The following PPFIBP2 variants were observed in gnomAD, a reference collection of about 807,000 sequenced individuals.
PPFIBP2 encodes the protein PPFIB scaffold protein 2.
A neutral mutation model predicts 118.3 loss-of-function variants in PPFIBP2; 118 were observed. That is an observed-to-expected ratio of 1.00 (90% CI 0.86 to 1.16). The LOEUF is 1.16. PPFIBP2 is among the 50% of genes most tolerant of loss of function. The pLI, the probability that PPFIBP2 is intolerant of heterozygous loss-of-function variation, is 0.00. For synonymous variants in PPFIBP2, 414 were observed against 397.4 expected, an observed-to-expected ratio of 1.04 and a Z score of -0.50; for missense variants, 1,195 against 1,073.1, an observed-to-expected ratio of 1.11 and a Z score of -1.59.
chr11:7,581,943 T>C (rs1857324111), intron 3 of PPFIBP2, among the ~76,000 whole-genome samples: 1 of 152,214 alleles, frequency 6.6e-6, no homozygotes, highest in Non-Finnish European at 1.5e-5. Flanking sequence ...TTCAAGCGAT[T>C]CTCCTGCCTC....
In PPFIBP2 at chr11:7,555,494, C is replaced by CT. The variant is rs568976340; in HGVS notation, c.64+5956dup. Among the ~76,000 whole-genome samples the CT allele has an allele frequency of 1.6e-3, 250 of 152,330 alleles. 1 individual carries two copies. Among genetic ancestry groups the CT allele is most frequent in the African/African-American group, 4.5e-3 (188 of 41,566 alleles). On this transcript the variant is annotated intron_variant, in intron 2 of 23. Transcript: ENST00000299492. ...TGCTGAGGACTGTTGAGTCCATACT[C>CT]TGAACAGTCCTTGACTGATCTTGTC...
intron 5 of PPFIBP2, among the ~76,000 whole-genome samples, chr11:7,602,359 C>T (rs892011101): frequency 1.3e-5 from 2 of 152,152 alleles, no homozygotes; most frequent in South Asian, 2.1e-4. Flanking sequence ...ATGCTGGCAA[C>T]AAAAATCTCT....
At position 7,532,677 on chromosome 11, in the gene PPFIBP2, A is replaced by G. The variant is rs1850820915; in HGVS notation, c.-36-16763A>G. The stretch of plus-strand genomic sequence containing the variant: ...CAGAGCTGCTAATACCCTCCAGCCC[A>G]GGCCTTCGGGGGAAGCCTCCTTCTC... On this transcript the variant is annotated intron_variant, in intron 1 of 23. Coordinates refer to ENST00000299492, the MANE Select transcript of PPFIBP2 (RefSeq NM_003621.5). Among the ~76,000 whole-genome samples, 4 of 152,338 alleles carry G rather than the reference A, an allele frequency of 2.6e-5. No homozygotes were observed. The South Asian group carries it at 8.3e-4, about 32-fold the overall frequency.
chr11:7,620,461 T>C (rs1186341993), intron 6 of PPFIBP2, among the ~76,000 whole-genome samples: 1 of 152,176 alleles, frequency 6.6e-6, no homozygotes, highest in Non-Finnish European at 1.5e-5. Context: ...TCCCTTAGGG[T>C]TCCTCTATGA....
intron 3 of PPFIBP2, among the ~76,000 whole-genome samples, chr11:7,587,428 C>T (rs2135143752): frequency 6.6e-6 from 1 of 152,288 alleles, no homozygotes; most frequent in South Asian, 2.1e-4. Flanking sequence ...AGTCTGTTTC[C>T]AAAGGAGTAA....
intron 1 of PPFIBP2, among the ~76,000 whole-genome samples, chr11:7,518,287 G>A (rs1849422559): frequency 6.6e-6 from 1 of 152,156 alleles, no homozygotes; most frequent in South Asian, 2.1e-4. Flanking sequence ...GTTCCTTCTG[G>A]GTTGGCTGGG....
At chr11:7,533,117 A>G (rs922327502) in intron 1 of PPFIBP2, among the ~76,000 whole-genome samples, 1 of 152,024 alleles carries the variant, frequency 6.6e-6, no homozygotes, top group Admixed American at 6.5e-5. Context: ...AGGGGAAGTG[A>G]CATCCTTTTT....
At chr11:7,588,745 G>T (rs1490592072) in intron 3 of PPFIBP2, among the ~76,000 whole-genome samples, 1 of 152,238 alleles carries the variant, frequency 6.6e-6, no homozygotes, top group Non-Finnish European at 1.5e-5. Context: ...CCTCTTGAGA[G>T]CAACACTTGA....
intron 17 of PPFIBP2, among the ~76,000 whole-genome samples, chr11:7,647,171 T>A (rs1300826353): frequency 2.0e-5 from 3 of 152,208 alleles, no homozygotes; most frequent in Non-Finnish European, 4.4e-5. Flanking sequence ...TTTAAAAAAA[T>A]ATGTTTTAAT....
intron 1 of PPFIBP2, among the ~76,000 whole-genome samples, chr11:7,542,464 A>G (rs544933695): frequency 6.6e-6 from 1 of 152,330 alleles, no homozygotes; most frequent in Admixed American, 6.5e-5. Flanking sequence ...ATTGTATGTA[A>G]TTTGTTAAAA....
At chr11:7,598,315 A>T in intron 5 of PPFIBP2, 1 of 283,758 alleles carries the variant, frequency 3.5e-6, no homozygotes. Flanking sequence ...TTTTTGCTGT[A>T]TTGTCATCTT....
Position 7,616,880 on chromosome 11 carries a change from T to C in PPFIBP2, c.619-4055T>C, listed in dbSNP as rs547480518. Among the ~76,000 whole-genome samples, 2 of 151,784 alleles carry C rather than the reference T, an allele frequency of 1.3e-5. No homozygotes were observed. Among genetic ancestry groups the C allele is most frequent in the African/African-American group, 4.8e-5 (2 of 41,384 alleles). ...ACAACAATATGGCACAAAGGAGCTG[T>C]TGGGGATTTGTTCGAACTGCAAGAC... On this transcript the variant is annotated intron_variant, in intron 6 of 23. Coordinates refer to ENST00000299492, the MANE Select transcript of PPFIBP2 (RefSeq NM_003621.5). The surrounding 1 kb of genome is among the most constrained non-coding windows in gnomAD (Gnocchi z 5.2).
At chr11:7,639,651 GA>G (rs1371186764) in intron 14 of PPFIBP2, 80 bp from the exon 15 acceptor site, 1 of 1,575,132 alleles carries the variant, frequency 6.3e-7, no homozygotes, top group Non-Finnish European at 8.7e-7. Flanking sequence ...GCAAAACAGG[GA>G]GTTGTTCTGT....
intron 2 of PPFIBP2, among the ~76,000 whole-genome samples, chr11:7,561,780 G>A (rs1194859926): frequency 2.0e-5 from 3 of 152,166 alleles, no homozygotes. Context: ...TTTATCATCT[G>A]TTTCTATCTG....
intron 1 of PPFIBP2, among the ~76,000 whole-genome samples, chr11:7,522,719 A>G (rs1003100413): frequency 1.3e-5 from 2 of 152,206 alleles, no homozygotes; most frequent in East Asian, 1.9e-4. Flanking sequence ...CTAGTTGCCA[A>G]TGCCATGGGG....
At chr11:7,618,391 C>T (rs1458227380) in intron 6 of PPFIBP2, among the ~76,000 whole-genome samples, 4 of 152,182 alleles carry the variant, frequency 2.6e-5, no homozygotes, top group African/African-American at 9.7e-5. Context: ...CCAGAGGTCA[C>T]GGAGCCTGGA....
downstream of PPFIBP2, chr11:7,656,668 C>T (rs113621234): frequency 4.1e-4 from 508 of 1,250,320 alleles, no homozygotes; most frequent in East Asian, 5.1e-4. Context: ...GTGCAGCTGC[C>T]GCAGGGCAGC....
At chr11:7,632,695 C>T (rs1453115363) in intron 11 of PPFIBP2, 172 bp from the exon 12 acceptor site, 8 of 561,612 alleles carry the variant, frequency 1.4e-5, no homozygotes, top group Non-Finnish European at 2.0e-5. Flanking sequence ...GATAAGCCTA[C>T]CACACCCCCT....
intron 1 of PPFIBP2, among the ~76,000 whole-genome samples, chr11:7,541,950 G>T (rs573551817): frequency 1.3e-5 from 2 of 152,270 alleles, no homozygotes; most frequent in East Asian, 3.9e-4. Context: ...TTGTCCCCAA[G>T]GTATATCAGG....
Sources: allele counts gnomAD v4.1 joint callset (sites outside exome capture counted in the v4.1 genomes callset), GRCh38; gene constraint gnomAD v4.1.1; non-coding constraint Gnocchi (gnomAD v3.1); transcripts MANE v1.5; gene names NCBI Gene and HGNC (gene_info 2026-07-23, HGNC 2026-07-21).